The following STYK1 variants were observed in gnomAD, a reference collection of about 807,000 sequenced individuals.
STYK1 encodes tyrosine-protein kinase STYK1.
In STYK1, 46 loss-of-function variants were observed where a neutral mutation model predicts 48.1. The ratio of observed to expected loss-of-function variants is 0.96; its 90% CI spans 0.75 to 1.22. The LOEUF is 1.22. Among genes scored for constraint, STYK1 ranks in the 50% most tolerant of loss-of-function variants. The probability of loss-of-function intolerance (pLI) is 0.00; values close to 1 mark genes in which losing one functional copy is unlikely to be tolerated. For synonymous variants in STYK1, 188 were observed against 189.0 expected, an observed-to-expected ratio of 0.99 and a Z score of 0.04; for missense variants, 527 against 521.1, an observed-to-expected ratio of 1.01 and a Z score of -0.11.
At chr12:10,653,133 C>T (rs529731973) in intron 1 of STYK1, among the ~76,000 whole-genome samples, 4 of 151,748 alleles carry the variant, frequency 2.6e-5, no homozygotes, top group East Asian at 1.9e-4. Flanking sequence ...AGTGCAGTGG[C>T]GTGATATCGG....
At position 10,619,478 on chromosome 12, in the gene STYK1, A is replaced by G. The variant is rs1865870838; in HGVS notation, c.*666T>C. 1 of 152,336 alleles carries G rather than the reference A, an allele frequency of 6.6e-6. No individual in the cohort carries two copies. The highest frequency in any genetic ancestry group is 6.5e-5 in the Admixed American group (1 of 15,292). The allele number at this position is 152,336 out of a possible 1,614,324, so 9.4% of individuals were successfully genotyped here. ...CAATACATGTTGAATGTTCTTAATC[A>G]TGAAATGACTCCTCCACCTTCTAAT... On this transcript the variant is annotated 3_prime_UTR_variant, in exon 11 of 11. Transcript: ENST00000075503.
intron 1 of STYK1, among the ~76,000 whole-genome samples, chr12:10,655,945 A>G (rs1003212791): frequency 2.0e-5 from 3 of 152,112 alleles, no homozygotes; most frequent in Non-Finnish European, 1.5e-5. Flanking sequence ...CTGAGGAAAA[A>G]GTTTTTTTCT....
intron 2 of STYK1, among the ~76,000 whole-genome samples, chr12:10,635,632 T>C (rs1303067341): frequency 2.6e-5 from 4 of 152,220 alleles, no homozygotes; most frequent in African/African-American, 9.7e-5. Flanking sequence ...TTGTATAGCA[T>C]AAAAATATTT....
chr12:10,655,929 A>T (rs1044742985), intron 1 of STYK1, among the ~76,000 whole-genome samples: 2 of 152,148 alleles, frequency 1.3e-5, no homozygotes, highest in African/African-American at 4.8e-5. Flanking sequence ...CTTGGATCTT[A>T]TTTCTCTGAG....
intron 10 of STYK1, 152 bp from the exon 11 acceptor site, chr12:10,620,500 T>C (rs1865890536): frequency 1.4e-6 from 1 of 696,862 alleles, no homozygotes; most frequent in African/African-American, 1.8e-5. Context: ...GAGAGTGATA[T>C]TCCTTCTCAA....
At chr12:10,624,556 A>T (rs1002771302) in intron 8 of STYK1, 95 bp downstream of exon 8, 38 of 1,073,864 alleles carry the variant, frequency 3.5e-5, no homozygotes, top group Non-Finnish European at 4.6e-5. Context: ...TAGAGATTAT[A>T]TTCGTATACA....
At chr12:10,659,597 T>G (rs10083035) in intron 1 of STYK1, among the ~76,000 whole-genome samples, 83,291 of 151,908 alleles carry the variant, frequency 0.55, 23,552 homozygotes, top group East Asian at 0.79. Flanking sequence ...AGTTATCTTG[T>G]GACCTCAAGA....
At chr12:10,666,809 A>G (rs112024665) in intron 1 of STYK1, among the ~76,000 whole-genome samples, 9 of 152,200 alleles carry the variant, frequency 5.9e-5, no homozygotes, top group African/African-American at 2.2e-4. Context: ...CTCTTCTGCC[A>G]TGGTTATAAG....
chr12:10,669,069 G>T (rs939745675), intron 1 of STYK1, among the ~76,000 whole-genome samples: 7 of 152,142 alleles, frequency 4.6e-5, no homozygotes, highest in Non-Finnish European at 4.4e-5. Context: ...CAGCTATTTT[G>T]TTCATTGCTG....
In STYK1 at chr12:10,672,934, C is replaced by A. The variant is rs1591710652; in HGVS notation, c.-195+1032G>T. On this transcript the variant is annotated intron_variant, in intron 1 of 10. Transcript: ENST00000075503. This position sits in a 1 kb window ranked among gnomAD's most constrained non-coding sequence, Gnocchi z 4.0. Reference sequence around the variant, plus strand: ...AGGGGGAAAAACCAGGTAGACAGCACAGAGTTCTGTTTCCAGGTGTATTTC... The same window carrying A: ...AGGGGGAAAAACCAGGTAGACAGCAAAGAGTTCTGTTTCCAGGTGTATTTC... Among the ~76,000 whole-genome samples the A allele has an allele frequency of 6.6e-6, 1 of 152,160 alleles. No homozygotes were observed. Among genetic ancestry groups the A allele is most frequent in the Non-Finnish European group, 1.5e-5 (1 of 68,034 alleles).
chr12:10,664,199 G>A (rs1019539388), intron 1 of STYK1, among the ~76,000 whole-genome samples: 1 of 152,160 alleles, frequency 6.6e-6, no homozygotes, highest in Non-Finnish European at 1.5e-5. Flanking sequence ...TTGTCTTGGT[G>A]TCAGAACCCA....
chr12:10,635,038 G>C (rs1365190356), intron 2 of STYK1, among the ~76,000 whole-genome samples: 1 of 152,088 alleles, frequency 6.6e-6, no homozygotes, highest in African/African-American at 2.4e-5. Flanking sequence ...TGTGATCCAT[G>C]GGTTATGTGG....
chr12:10,651,069 G>T (rs1416802231), intron 1 of STYK1, among the ~76,000 whole-genome samples: 1 of 151,590 alleles, frequency 6.6e-6, no homozygotes, highest in Non-Finnish European at 1.5e-5. Context: ...TGTGTGAGGT[G>T]TGTATGCAGG....
intron 1 of STYK1, among the ~76,000 whole-genome samples, chr12:10,640,048 C>T (rs1252136598): frequency 1.3e-5 from 2 of 152,144 alleles, no homozygotes; most frequent in African/African-American, 2.4e-5. Context: ...GAAGTAGAAT[C>T]AGAATTTTTT....
rs754069322 is a variant in STYK1 at position 10,627,643 on chromosome 12, G to C, written c.715C>G (p.Leu239Val). 4.3e-6 allele frequency: 7 copies of C among 1,612,926 alleles called. No homozygotes were observed. In the South Asian group the frequency reaches 7.7e-5, roughly 18 times the overall value. The change falls in exon 7 of 11, where the codon CTG (leucine) becomes GTG (valine). Residue 239 changes from leucine to valine, a missense_variant and splice_region_variant. Transcript: ENST00000075503. ...YHIGKQVLLA[L>V]EFLQEKHLFH... ...GTTGTCATGTTGCCTCATCTTACCA[G>C]CGCCAAAAGGACCTGCTTTCCGATG...
intron 1 of STYK1, among the ~76,000 whole-genome samples, chr12:10,647,930 C>G (rs1412327860): frequency 1.3e-5 from 2 of 152,208 alleles, no homozygotes; most frequent in Non-Finnish European, 2.9e-5. Context: ...CCTCCCCAGC[C>G]ACTCAGAACT....
At chr12:10,627,456 G>A (rs377359019) in intron 7 of STYK1, among the ~76,000 whole-genome samples, 185 bp downstream of exon 7, 3 of 152,168 alleles carry the variant, frequency 2.0e-5, no homozygotes, top group East Asian at 1.9e-4. Context: ...AAATTATCTA[G>A]ATAAATCCCT....
intron 7 of STYK1, among the ~76,000 whole-genome samples, chr12:10,625,872 T>A (rs1251336843): frequency 3.3e-5 from 5 of 152,178 alleles, no homozygotes; most frequent in Non-Finnish European, 1.5e-5. Flanking sequence ...CCGACATTTT[T>A]AAGATGTATC....
At chr12:10,621,407 T>C (rs1457703057) in intron 10 of STYK1, among the ~76,000 whole-genome samples, 2 of 152,188 alleles carry the variant, frequency 1.3e-5, no homozygotes, top group African/African-American at 4.8e-5. Context: ...GAGACAGTCA[T>C]TTAAAAGTTA....
Sources: gnomAD v4.1 joint callset for allele counts (sites outside exome capture counted in the v4.1 genomes callset) on GRCh38, gnomAD v4.1.1 for gene constraint, Gnocchi (gnomAD v3.1) non-coding constraint, MANE v1.5 for transcripts, NCBI Gene and HGNC (gene_info 2026-07-23, HGNC 2026-07-21) for gene names.